The following HDAC9 variants were observed in gnomAD, a reference collection of about 807,000 sequenced individuals.
The protein encoded by HDAC9 is histone deacetylase 9.
Under a neutral mutation model 139.4 loss-of-function variants are expected in HDAC9, and 41 were observed. The ratio of observed to expected loss-of-function variants is 0.29; its 90% CI spans 0.23 to 0.38. The LOEUF is 0.38. Ranked by LOEUF, HDAC9 falls within the 10% of genes least tolerant of loss-of-function variation. The pLI is 1.00. For synonymous variants in HDAC9, 517 were observed against 476.2 expected (o/e 1.09, Z -1.12); for missense variants, 1,147 against 1,297.0 (o/e 0.88, Z 1.78).
chr7:18,899,461 A>T (rs1377180742), intron 22 of HDAC9: 1 of 152,058 alleles, frequency 6.6e-6, no homozygotes, highest in Non-Finnish European at 1.5e-5. Flanking sequence ...TGTTGACATG[A>T]TGGAAGACTG....
rs532800609 is a variant in HDAC9 at position 18,918,419 on chromosome 7, T to G, written c.2804-17390T>G. On this transcript the variant is annotated intron_variant, in intron 22 of 25. Transcript: ENST00000686413. ...AGAGTGTTTCATAAAGCAAGAGAGATAAAACTGTTAATAACAGAGTATTAT... is the reference window on the plus strand; with the variant it reads ...AGAGTGTTTCATAAAGCAAGAGAGAGAAAACTGTTAATAACAGAGTATTAT... 5.9e-4 allele frequency among the ~76,000 whole-genome samples: 90 copies of G among 152,064 alleles called. No individual in the cohort carries two copies. In the South Asian group the frequency reaches 7.0e-3, roughly 12 times the overall value.
At chr7:18,212,730 C>T (rs921934804) in intron 2 of HDAC9, among the ~76,000 whole-genome samples, 1 of 152,108 alleles carries the variant, frequency 6.6e-6, no homozygotes. Flanking sequence ...CAGGTAAGTT[C>T]CAAAGATTAG....
chr7:18,478,994 CATT>C (rs1249235910), intron 1 of HDAC9, among the ~76,000 whole-genome samples: 1 of 151,858 alleles, frequency 6.6e-6, no homozygotes, highest in East Asian at 1.9e-4. Context: ...ATTTTTTAAC[CATT>C]ATTAATATAT....
chr7:18,795,052 A>C lies in HDAC9; in HGVS notation c.2322+1600A>C, dbSNP rs1585049853. Reference sequence around the variant, plus strand: ...CCAAATATATGCACGAAGATAGTTGAATAAAAACATAATTCCATGTTTAGA... The same window carrying C: ...CCAAATATATGCACGAAGATAGTTGCATAAAAACATAATTCCATGTTTAGA... On this transcript the variant is annotated intron_variant, in intron 17 of 25. Coordinates refer to ENST00000686413, the MANE Select transcript of HDAC9 (RefSeq NM_178425.4). 4.6e-5 allele frequency among the ~76,000 whole-genome samples: 7 copies of C among 152,112 alleles called. 1 individual carries two copies. The South Asian group carries it at 1.2e-3, about 27-fold the overall frequency.
At chr7:18,328,313 T>C (rs1366641940) in intron 1 of HDAC9, among the ~76,000 whole-genome samples, 1 of 151,772 alleles carries the variant, frequency 6.6e-6, no homozygotes, top group East Asian at 1.9e-4. Context: ...GTTTCTAGGG[T>C]GTAGATCTTA....
At chr7:18,258,766 A>G (rs1008023433) in intron 2 of HDAC9, among the ~76,000 whole-genome samples, 21 of 152,180 alleles carry the variant, frequency 1.4e-4, no homozygotes, top group Non-Finnish European at 2.5e-4. Context: ...AGGGAAAACT[A>G]TTCAGAAAGT....
intron 2 of HDAC9, among the ~76,000 whole-genome samples, chr7:18,185,598 A>G (rs1389430962): frequency 6.6e-6 from 1 of 152,216 alleles, no homozygotes; most frequent in African/African-American, 2.4e-5. Flanking sequence ...ATAAGAGTAC[A>G]TATCTATACT....
intron 6 of HDAC9, among the ~76,000 whole-genome samples, chr7:18,609,650 C>CT (rs1380741599): frequency 3.9e-5 from 6 of 152,124 alleles, no homozygotes; most frequent in Non-Finnish European, 8.8e-5. Flanking sequence ...TTTTATTTTA[C>CT]TTTAAGTTGT....
chr7:18,155,980 C>G (rs1323061856), intron 1 of HDAC9, among the ~76,000 whole-genome samples: 2 of 152,150 alleles, frequency 1.3e-5, no homozygotes, highest in African/African-American at 2.4e-5. Context: ...CCCCAGAACC[C>G]CCAGAGTCCT....
At chr7:18,858,978 A>G (rs1271961055) in intron 21 of HDAC9, among the ~76,000 whole-genome samples, 1 of 152,142 alleles carries the variant, frequency 6.6e-6, no homozygotes, top group African/African-American at 2.4e-5. Context: ...TTTTCATCCA[A>G]AAATGCAGTT....
chr7:18,581,472 T>A (rs1402328958), intron 2 of HDAC9, among the ~76,000 whole-genome samples: 1 of 151,770 alleles, frequency 6.6e-6, no homozygotes, highest in Non-Finnish European at 1.5e-5. Flanking sequence ...TTTCAGAGAC[T>A]TGTAGGACTT....
chr7:18,839,615 A>G (rs995161713), intron 21 of HDAC9, among the ~76,000 whole-genome samples: 4 of 152,098 alleles, frequency 2.6e-5, no homozygotes, highest in African/African-American at 9.7e-5. Flanking sequence ...TATTAAGCGA[A>G]CCTAGCAAAA....
intron 1 of HDAC9, among the ~76,000 whole-genome samples, chr7:18,476,166 G>A (rs947451817): frequency 1.3e-5 from 2 of 152,088 alleles, no homozygotes; most frequent in African/African-American, 4.8e-5. Flanking sequence ...AATAGCAGGT[G>A]TAATGTTTAT....
Position 18,647,982 on chromosome 7 carries a change from A to G in HDAC9, c.1233A>G (p.Gln411=), listed in dbSNP as rs368269729. 6.8e-6 allele frequency: 11 copies of G among 1,609,250 alleles called. No individual in the cohort carries two copies. Among genetic ancestry groups the G allele is most frequent in the East Asian group, 2.2e-5 (1 of 44,562 alleles). Reference sequence around the variant, plus strand: ...TATTGAAAGAACAAATGCGACAGCAAAAGCTTCTTGTAGCTGGTAATTCAT... The same window carrying G: ...TATTGAAAGAACAAATGCGACAGCAGAAGCTTCTTGTAGCTGGTAATTCAT... The part of the protein sequence containing the change: ...HLLLKEQMRQ[Q]KLLVAGGVPL... The change falls in exon 10 of 26, where the codon CAA becomes CAG. Residue 411 remains glutamine, a synonymous_variant. Coordinates refer to ENST00000686413, the MANE Select transcript of HDAC9 (RefSeq NM_178425.4).
At chr7:18,415,182 G>A (rs569024231) in intron 1 of HDAC9, among the ~76,000 whole-genome samples, 2 of 152,222 alleles carry the variant, frequency 1.3e-5, no homozygotes, top group East Asian at 1.9e-4. Context: ...TTCTAATGGC[G>A]TTACTTATAG....
chr7:18,865,263 G>A (rs1405271360), intron 21 of HDAC9, among the ~76,000 whole-genome samples: 2 of 152,190 alleles, frequency 1.3e-5, no homozygotes, highest in Admixed American at 6.6e-5. Flanking sequence ...GTGTAGGAAC[G>A]TGGTACATTT....
intron 1 of HDAC9, among the ~76,000 whole-genome samples, chr7:18,449,538 T>C (rs974558020): frequency 6.6e-6 from 1 of 152,138 alleles, no homozygotes; most frequent in Non-Finnish European, 1.5e-5. Context: ...AGCTGGTTTA[T>C]TGGGAGTGTT....
At chr7:18,540,651 C>T (rs933363671) in intron 2 of HDAC9, among the ~76,000 whole-genome samples, 5 of 152,062 alleles carry the variant, frequency 3.3e-5, no homozygotes, top group Admixed American at 6.6e-5. Context: ...ATTATGATGA[C>T]ATAAGTTAAG....
intron 8 of HDAC9, among the ~76,000 whole-genome samples, chr7:18,642,639 G>C (rs369262527): frequency 1.4e-4 from 22 of 152,046 alleles, no homozygotes; most frequent in African/African-American, 3.9e-4. Context: ...AGAGGAAATG[G>C]AGCCACTCAA....
Sources: allele counts gnomAD v4.1 joint callset (sites outside exome capture counted in the v4.1 genomes callset), GRCh38; gene constraint gnomAD v4.1.1; transcripts MANE v1.5; gene names NCBI Gene and HGNC (gene_info 2026-07-23, HGNC 2026-07-21).